The following CNTN5 variants were observed in gnomAD, a reference collection of about 807,000 sequenced individuals.
CNTN5 encodes contactin 5.
CNTN5 carries 77 observed loss-of-function variants against 129.1 expected under a neutral mutation model. The ratio of observed to expected loss-of-function variants is 0.60; its 90% CI spans 0.50 to 0.72. CNTN5 has a LOEUF of 0.72. Among genes scored for constraint, CNTN5 ranks in the 30% least tolerant of loss-of-function variants. The pLI is 0.00. For synonymous variants in CNTN5, 509 were observed against 465.6 expected, an observed-to-expected ratio of 1.09 and a Z score of -1.20; for missense variants, 1,478 against 1,328.8, an observed-to-expected ratio of 1.11 and a Z score of -1.75.
intron 13 of CNTN5, among the ~76,000 whole-genome samples, chr11:100,095,604 G>C (rs576906933): frequency 2.0e-5 from 3 of 152,034 alleles, no homozygotes; most frequent in African/African-American, 7.2e-5. Context: ...TAGGTAAAAG[G>C]CTCTATTTGA....
intron 3 of CNTN5, among the ~76,000 whole-genome samples, chr11:99,610,386 G>A (rs1292714444): frequency 6.6e-6 from 1 of 152,050 alleles, no homozygotes; most frequent in Non-Finnish European, 1.5e-5. Flanking sequence ...CAATATTTAG[G>A]ACCAGGACTA....
At chr11:99,804,554 G>A (rs1195085875) in intron 3 of CNTN5, among the ~76,000 whole-genome samples, 1 of 144,092 alleles carries the variant, frequency 6.9e-6, no homozygotes. Context: ...ACTCAGTAAA[G>A]TATGATATTA....
chr11:99,925,793 C>T (rs896098305), intron 7 of CNTN5, among the ~76,000 whole-genome samples: 7 of 151,896 alleles, frequency 4.6e-5, no homozygotes, highest in African/African-American at 1.7e-4. Context: ...TCACCATTCT[C>T]AAAACCGTTG....
intron 2 of CNTN5, among the ~76,000 whole-genome samples, chr11:99,416,277 T>C (rs1022260774): frequency 1.3e-5 from 2 of 152,116 alleles, no homozygotes; most frequent in Non-Finnish European, 2.9e-5. Context: ...AAAAGGAGCA[T>C]TCTAATGCCT....
At chr11:100,350,991 C>G (rs75704710) in intron 24 of CNTN5, 121 bp downstream of exon 24, 1 of 684,658 alleles carries the variant, frequency 1.5e-6, no homozygotes, top group Non-Finnish European at 2.4e-6. Flanking sequence ...TTTCTCCTCT[C>G]TGATTTTTAT....
chr11:99,481,283 C>A (rs912951667), intron 2 of CNTN5, among the ~76,000 whole-genome samples: 4 of 152,126 alleles, frequency 2.6e-5, no homozygotes, highest in African/African-American at 9.7e-5. Context: ...TCATATCATG[C>A]TAATTAAAGC....
chr11:100,284,301 G>A (rs1267361967), intron 18 of CNTN5, among the ~76,000 whole-genome samples: 1 of 152,212 alleles, frequency 6.6e-6, no homozygotes, highest in Non-Finnish European at 1.5e-5. Context: ...GGGACAATCA[G>A]TGGAGCCTTC....
At chr11:100,330,283 G>A (rs965224515) in intron 21 of CNTN5, among the ~76,000 whole-genome samples, 2 of 152,140 alleles carry the variant, frequency 1.3e-5, no homozygotes, top group African/African-American at 4.8e-5. Flanking sequence ...AAGACAAACA[G>A]AAAGGAATTT....
chr11:99,215,256 G>T (rs1038888676), intron 1 of CNTN5, among the ~76,000 whole-genome samples: 1 of 152,196 alleles, frequency 6.6e-6, no homozygotes, highest in South Asian at 2.1e-4. Context: ...GTTTGTTCCA[G>T]TTAGTTTTTT....
At chr11:100,075,796 G>C (rs1944102234) in intron 13 of CNTN5, among the ~76,000 whole-genome samples, 1 of 152,052 alleles carries the variant, frequency 6.6e-6, no homozygotes, top group African/African-American at 2.4e-5. Context: ...CTGCCTTGGG[G>C]GAGAGAATTC....
At chr11:100,006,504 A>G (rs769545346) in intron 9 of CNTN5, among the ~76,000 whole-genome samples, 2 of 152,108 alleles carry the variant, frequency 1.3e-5, no homozygotes, top group Non-Finnish European at 2.9e-5. Context: ...CTTTTCCAGG[A>G]CTACACTAAC....
chr11:99,684,376 TATG>T (rs1234192047), intron 3 of CNTN5, among the ~76,000 whole-genome samples: 3 of 152,064 alleles, frequency 2.0e-5, no homozygotes, highest in African/African-American at 4.8e-5. Flanking sequence ...ATACATGTAT[TATG>T]ATAATACTAA....
At chr11:99,975,457 G>A (rs541842446) in intron 8 of CNTN5, among the ~76,000 whole-genome samples, 36 of 152,012 alleles carry the variant, frequency 2.4e-4, no homozygotes, top group Non-Finnish European at 4.6e-4. Flanking sequence ...GGCAAAATGC[G>A]GCAGACCCAT....
chr11:99,756,127 A>G (rs1591104760), intron 3 of CNTN5, among the ~76,000 whole-genome samples: 1 of 152,126 alleles, frequency 6.6e-6, no homozygotes, highest in South Asian at 2.1e-4. Flanking sequence ...AGTATGAGAA[A>G]CAAGAATACT....
intron 9 of CNTN5, among the ~76,000 whole-genome samples, chr11:100,041,365 T>C (rs1942367855): frequency 6.6e-6 from 1 of 152,228 alleles, no homozygotes; most frequent in Non-Finnish European, 1.5e-5. Context: ...TTCTATGAAT[T>C]CCACCTCTAT....
intron 9 of CNTN5, among the ~76,000 whole-genome samples, chr11:100,031,632 C>A (rs1043671268): frequency 2.6e-5 from 4 of 152,110 alleles, no homozygotes; most frequent in Non-Finnish European, 4.4e-5. Flanking sequence ...TTTTTTGTAA[C>A]CAGCTTTTGC....
intron 1 of CNTN5, among the ~76,000 whole-genome samples, chr11:99,223,016 C>T (rs925408824): frequency 6.6e-6 from 1 of 152,074 alleles, no homozygotes; most frequent in Non-Finnish European, 1.5e-5. Context: ...CTTCCAATGC[C>T]TTCATCTTTT....
chr11:100,238,435 AAAG>A (rs1270825095), intron 16 of CNTN5, among the ~76,000 whole-genome samples: 1 of 146,998 alleles, frequency 6.8e-6, no homozygotes, highest in Non-Finnish European at 1.5e-5. Flanking sequence ...AAAAAAGGAG[AAAG>A]AAGAAGGAGA....
intron 3 of CNTN5, among the ~76,000 whole-genome samples, chr11:99,623,422 G>A (rs1339414985): frequency 6.6e-6 from 1 of 152,070 alleles, no homozygotes; most frequent in African/African-American, 2.4e-5. Flanking sequence ...CCAGTAGGAT[G>A]GCACTGATAG....
Sources: allele counts gnomAD v4.1 joint callset (sites outside exome capture counted in the v4.1 genomes callset), GRCh38; gene constraint gnomAD v4.1.1; transcripts MANE v1.5; gene names NCBI Gene and HGNC (gene_info 2026-07-23, HGNC 2026-07-21).